Variants in LCN6 observed in about 807,000 individuals in gnomAD.
The protein encoded by LCN6 is epididymal-specific lipocalin-6.
In LCN6, 20 loss-of-function variants were observed where a neutral mutation model predicts 21.4. That is an observed-to-expected ratio of 0.93 (90% CI 0.66 to 1.36). The LOEUF is 1.36. Ranked by LOEUF, LCN6 falls within the 40% of genes most tolerant of loss-of-function variation. The pLI is 0.00. For missense variants in LCN6, 217 were observed against 206.6 expected, an observed-to-expected ratio of 1.05 and a Z score of -0.31; for synonymous variants, 96 against 89.0, an observed-to-expected ratio of 1.08 and a Z score of -0.44.
chr9:136,747,277 A>C, intron 2 of LCN6, 147 bp downstream of exon 2: 7 of 898,620 alleles, frequency 7.8e-6, no homozygotes, highest in Non-Finnish European at 1.0e-5. Context: ...GGCTCTGCAC[A>C]GAGCCCAGTG....
Position 136,745,755 on chromosome 9 carries a change from C to T in LCN6, c.301+89G>A, listed in dbSNP as rs1310275482. The T allele has an allele frequency of 1.7e-5, 20 of 1,143,922 alleles. No homozygotes were observed. In the East Asian group the frequency reaches 3.0e-4, roughly 17 times the overall value. The allele number at this position is 1,143,922 out of a possible 1,614,324, so 70.9% of individuals were successfully genotyped here. On this transcript the variant is annotated intron_variant, in intron 3 of 6. Coordinates refer to ENST00000341206, the MANE Select transcript of LCN6 (RefSeq NM_198946.3). Reference sequence around the variant, plus strand: ...CCTGTAGCCTCCTGGCTCTCGGGAGCGGAGTCAGCCCTCCGTCCCTGCCCG... The same window carrying T: ...CCTGTAGCCTCCTGGCTCTCGGGAGTGGAGTCAGCCCTCCGTCCCTGCCCG...
Position 136,747,477 on chromosome 9 carries a change from C to T in LCN6, c.177G>A (p.Val59=), listed in dbSNP as rs564889029. ...MEKDMKNVVG[V]VVTLTPENNL... Reference sequence around the variant, plus strand: ...TGTTTTCTGGAGTGAGGGTCACCACCACCCCCACGACGTTCTTCATGTCCT... The same window carrying T: ...TGTTTTCTGGAGTGAGGGTCACCACTACCCCCACGACGTTCTTCATGTCCT... Residue 59 remains valine (V), a synonymous_variant, in exon 2 of 7, where the codon GTG becomes GTA. Coordinates refer to ENST00000341206, the MANE Select transcript of LCN6 (RefSeq NM_198946.3). 1.7e-5 allele frequency: 27 copies of T among 1,613,714 alleles called. No homozygotes were observed. The South Asian group carries it at 2.7e-4, about 16-fold the overall frequency.
At chr9:136,747,878 C>A (rs1847070212) in intron 1 of LCN6, among the ~76,000 whole-genome samples, 1 of 120,842 alleles carries the variant, frequency 8.3e-6, no homozygotes, top group African/African-American at 3.6e-5. Flanking sequence ...AGCTTCCAAC[C>A]CCCCAGACCT....
intron 1 of LCN6, 130 bp from the exon 2 acceptor site, chr9:136,747,693 TC>T (rs1564327600): frequency 2.5e-6 from 2 of 788,014 alleles, no homozygotes; most frequent in Non-Finnish European, 3.7e-6. Flanking sequence ...CATCCAGCCC[TC>T]CAGCCTCCAG....
At position 136,745,896 on chromosome 9, in the gene LCN6, C is replaced by A; in HGVS notation, c.249G>T (p.Gln83His). 1 of 1,613,830 alleles carries A rather than the reference C, an allele frequency of 6.2e-7. No individual in the cohort carries two copies. Among genetic ancestry groups the A allele is most frequent in the Non-Finnish European group, 8.5e-7 (1 of 1,179,964 alleles). ...SSQHGLGGCD[Q>H]SVMDLIKRNS... ...TTCGCTTTATCAGGTCCATGACACTCTGGTCACACCCTCCCAGCCTGGAAA... is the reference window on the plus strand; with the variant it reads ...TTCGCTTTATCAGGTCCATGACACTATGGTCACACCCTCCCAGCCTGGAAA... The change falls in exon 3 of 7, where the codon CAG (glutamine) becomes CAT (histidine). Residue 83 changes from glutamine to histidine, a missense_variant. Transcript: ENST00000341206.
At position 136,744,516 on chromosome 9, in the gene LCN6, C is replaced by A; in HGVS notation, c.*22+124G>T. Reference sequence around the variant, plus strand: ...AAGACCCCCTCAGCCTGCCTGACTCCTTCAGGGCGACTGAGTCAGGCAGAA... The same window carrying A: ...AAGACCCCCTCAGCCTGCCTGACTCATTCAGGGCGACTGAGTCAGGCAGAA... On this transcript the variant is annotated intron_variant, in intron 5 of 6. Coordinates refer to ENST00000341206, the MANE Select transcript of LCN6 (RefSeq NM_198946.3). This position sits in a 1 kb window ranked among gnomAD's most constrained non-coding sequence, Gnocchi z 4.2. 1 of 634,478 alleles carries A rather than the reference C, an allele frequency of 1.6e-6. No homozygotes were observed. Among genetic ancestry groups the A allele is most frequent in the Non-Finnish European group, 2.8e-6 (1 of 358,074 alleles). 39.3% of individuals were successfully genotyped at this position (634,478 alleles called of 1,614,324 possible).
chr9:136,747,023 G>A (rs1847047581), intron 2 of LCN6: 1 of 167,004 alleles, frequency 6.0e-6, no homozygotes, highest in Admixed American at 6.1e-5. Flanking sequence ...GGGGATTTAT[G>A]TTATGAAAGA....
intron 3 of LCN6, 143 bp from the exon 4 acceptor site, chr9:136,745,423 G>A (rs1158527035): frequency 1.6e-6 from 1 of 634,916 alleles, no homozygotes; most frequent in Non-Finnish European, 2.8e-6. Context: ...AGCACACCCA[G>A]AGCCCCCAAG....
chr9:136,748,295 C>A, intron 1 of LCN6, 99 bp downstream of exon 1: 1 of 1,049,944 alleles, frequency 9.5e-7, no homozygotes, highest in Non-Finnish European at 1.4e-6. Flanking sequence ...ACTGCTCATG[C>A]TGGTCTGGGC....
At chr9:136,747,321 A>G in intron 2 of LCN6, 103 bp downstream of exon 2, 1 of 1,347,242 alleles carries the variant, frequency 7.4e-7, no homozygotes, top group Non-Finnish European at 1.0e-6. Flanking sequence ...GGGCCGTGGG[A>G]AGCCCCCAGG....
At position 136,745,079 on chromosome 9, in the gene LCN6, GCGGCCC is replaced by G. The variant is rs1588300793; in HGVS notation, c.412+85_412+90del. On this transcript the variant is annotated intron_variant, in intron 4 of 6. Coordinates refer to ENST00000341206, the MANE Select transcript of LCN6 (RefSeq NM_198946.3). ...ACACAGCTCCCCACGCGGCCCCCAA[GCGGCCC>G]ACGCACCACACAGCTCCCAACGTGG... 7.3e-6 allele frequency: 7 copies of G among 959,502 alleles called. No homozygotes were observed. The East Asian group carries it at 1.7e-4, about 24-fold the overall frequency. The allele number at this position is 959,502 out of a possible 1,614,324, so 59.4% of individuals were successfully genotyped here. A position where few individuals can be genotyped will look rare whatever the true frequency, so the allele number is the denominator to read the frequency against.
At position 136,745,199 on chromosome 9, in the gene LCN6, T is replaced by C; in HGVS notation, c.383A>G (p.Asp128Gly). The C allele has an allele frequency of 6.2e-7, 1 of 1,613,286 alleles. No individual in the cohort carries two copies. The highest frequency in any genetic ancestry group is 8.5e-7 in the Non-Finnish European group (1 of 1,179,610). Residue 128 changes from aspartate (D) to glycine (G), a missense_variant, in exon 4 of 7, where the codon GAC becomes GGC. By Grantham distance (94) the Asp-to-Gly change is moderately conservative. Coordinates refer to ENST00000341206, the MANE Select transcript of LCN6 (RefSeq NM_198946.3). The part of the protein sequence containing the change: ...AIIFTQLEFG[D>G]EPFNTVELYS... The stretch of plus-strand genomic sequence containing the variant: ...CAGCTCCACGGTGTTGAAGGGCTCG[T>C]CCCCGAACTCCAGCTGAGTGAAGAT...
At chr9:136,747,363 C>T (rs1847052841) in intron 2 of LCN6, 61 bp downstream of exon 2, 6 of 1,590,352 alleles carry the variant, frequency 3.8e-6, no homozygotes, top group East Asian at 2.2e-5. Flanking sequence ...GTGCAAAGTA[C>T]ATGATGTGGC....
intron 2 of LCN6, 90 bp downstream of exon 2, chr9:136,747,334 G>T (rs569165235): frequency 6.8e-7 from 1 of 1,466,942 alleles, no homozygotes; most frequent in Non-Finnish European, 9.3e-7. Context: ...CCCCCAGGCC[G>T]CGGTGCCCGG....
intron 3 of LCN6, 48 bp from the exon 4 acceptor site, chr9:136,745,328 A>T (rs995695406): frequency 7.6e-7 from 1 of 1,319,464 alleles, no homozygotes; most frequent in South Asian, 1.2e-5. Context: ...TGCTGTATCC[A>T]TCCAGGGGCC....
intron 2 of LCN6, among the ~76,000 whole-genome samples, 163 bp downstream of exon 2, chr9:136,747,261 G>C (rs1344143316): frequency 6.6e-6 from 1 of 152,160 alleles, no homozygotes; most frequent in Admixed American, 6.5e-5. Context: ...TGGGCAGAGG[G>C]CTGGTGGCTC....
intron 2 of LCN6, among the ~76,000 whole-genome samples, chr9:136,746,310 G>A (rs1176087283): frequency 2.2e-5 from 3 of 138,722 alleles, no homozygotes; most frequent in African/African-American, 8.2e-5. Flanking sequence ...GGAAGGATGG[G>A]GCGGGGTGGG....
chr9:136,747,324 C>A, intron 2 of LCN6, 100 bp downstream of exon 2: 1 of 1,385,260 alleles, frequency 7.2e-7, no homozygotes, highest in Non-Finnish European at 9.9e-7. Context: ...CCGTGGGAAG[C>A]CCCCAGGCCG....
intron 3 of LCN6, 187 bp from the exon 4 acceptor site, chr9:136,745,467 A>T: frequency 2.0e-6 from 1 of 507,908 alleles, no homozygotes; most frequent in East Asian, 3.5e-5. Context: ...ACCTGGTGCC[A>T]GCATCAAGGG....
Sources: allele counts gnomAD v4.1 joint callset (sites outside exome capture counted in the v4.1 genomes callset), GRCh38; gene constraint gnomAD v4.1.1; non-coding constraint Gnocchi (gnomAD v3.1); transcripts MANE v1.5; gene names NCBI Gene and HGNC (gene_info 2026-07-23, HGNC 2026-07-21).